Variants in METTL26 observed in about 807,000 individuals in gnomAD.
METTL26 encodes the protein methyltransferase-like 26.
In METTL26, 28 loss-of-function variants were observed where a neutral mutation model predicts 24.7. The observed-to-expected ratio is 1.13, with a 90% confidence interval of 0.84 to 1.55. The LOEUF is 1.55. METTL26 is among the 40% of genes most tolerant of loss of function. The pLI, the probability that METTL26 is intolerant of heterozygous loss-of-function variation, is 0.00. For missense variants in METTL26, 344 were observed against 281.2 expected (o/e 1.22, Z -1.60); for synonymous variants, 165 against 125.2 (o/e 1.32, Z -2.12).
intron 3 of METTL26, 39 bp from the exon 4 acceptor site, chr16:634,995 G>C (rs767576891): frequency 1.3e-6 from 2 of 1,564,190 alleles, no homozygotes; most frequent in Admixed American, 2.0e-5. Context: ...ACCAAGGTCG[G>C]GGTATTTCCC....
chr16:635,034 G>C, intron 3 of METTL26, 78 bp from the exon 4 acceptor site: 1 of 1,535,912 alleles, frequency 6.5e-7, no homozygotes, highest in Non-Finnish European at 8.7e-7. Flanking sequence ...TTGCAGGCTG[G>C]GGTTTGGAGA....
In METTL26 at chr16:636,082, C is replaced by T. The variant is rs1320801584; in HGVS notation, c.197+12G>A. On this transcript the variant is annotated intron_variant, in intron 1 of 5. Coordinates refer to ENST00000301686, the MANE Select transcript of METTL26 (RefSeq NM_032366.5). ...GCCGCACCGATAGAAGTGGCCGCCC[C>T]GGGGGCCGCACCTGTCCAGGCAGCG... 1.4e-5 allele frequency: 19 copies of T among 1,406,216 alleles called. No individual in the cohort carries two copies. The highest frequency in any genetic ancestry group is 2.5e-4 in the Middle Eastern group (1 of 4,040). 87.1% of individuals were successfully genotyped at this position (1,406,216 alleles called of 1,614,324 possible).
chr16:635,396 C>T (rs2151090398), intron 2 of METTL26, 56 bp from the exon 3 acceptor site: 1 of 1,335,810 alleles, frequency 7.5e-7, no homozygotes, highest in East Asian at 4.1e-5. Flanking sequence ...AAGCCAGGCC[C>T]TGAGGCTGGA....
At chr16:635,255 G>C in intron 3 of METTL26, 26 bp downstream of exon 3, 1 of 1,554,620 alleles carries the variant, frequency 6.4e-7, no homozygotes, top group Non-Finnish European at 8.7e-7. Flanking sequence ...GGGAGCGGGA[G>C]GCCCGCCGTG....
intron 3 of METTL26, 117 bp downstream of exon 3, chr16:635,164 A>G: frequency 6.8e-7 from 1 of 1,464,034 alleles, no homozygotes; most frequent in South Asian, 1.3e-5. Flanking sequence ...AGTGGAGGGG[A>G]GGCCGTGCTG....
In METTL26 at chr16:634,505, C is replaced by A. The variant is rs1443488126; in HGVS notation, c.*92G>T. 6.2e-7 allele frequency: 1 copy of A among 1,608,088 alleles called. No individual in the cohort carries two copies. The highest frequency in any genetic ancestry group is 8.5e-7 in the Non-Finnish European group (1 of 1,175,732). Reference sequence around the variant, plus strand: ...GGCTGAGAGCACAGACTGGGTGGGGCTGTCGTCCACAAGGTCCGGCCTAGG... The same window carrying A: ...GGCTGAGAGCACAGACTGGGTGGGGATGTCGTCCACAAGGTCCGGCCTAGG... On this transcript the variant is annotated 3_prime_UTR_variant, in exon 6 of 6. Transcript: ENST00000301686.
Position 636,078 on chromosome 16 carries a change from GC to G in METTL26, c.197+15del. ...GACCGCCGCACCGATAGAAGTGGCCGCCCCGGGGGCCGCACCTGTCCAGGCA... is the reference window on the plus strand; with the variant it reads ...GACCGCCGCACCGATAGAAGTGGCCGCCCGGGGGCCGCACCTGTCCAGGCA... On this transcript the variant is annotated intron_variant, in intron 1 of 5. Coordinates refer to ENST00000301686, the MANE Select transcript of METTL26 (RefSeq NM_032366.5). 7.1e-7 allele frequency: 1 copy of G among 1,406,854 alleles called. No individual in the cohort carries two copies. Among genetic ancestry groups the G allele is most frequent in the Non-Finnish European group, 9.2e-7 (1 of 1,088,184 alleles). 87.1% of individuals were successfully genotyped at this position (1,406,854 alleles called of 1,614,324 possible).
intron 1 of METTL26, 157 bp downstream of exon 1, chr16:635,937 G>C (rs1186270548): frequency 7.5e-7 from 1 of 1,334,722 alleles, no homozygotes; most frequent in Non-Finnish European, 9.9e-7. Flanking sequence ...CAGCCGCGGG[G>C]GCCGCACAGC....
chr16:635,838 C>G (rs2037138182), intron 1 of METTL26, 64 bp from the exon 2 acceptor site: 56 of 1,475,922 alleles, frequency 3.8e-5, no homozygotes, highest in Non-Finnish European at 5.1e-5. Flanking sequence ...GACGCCCCCA[C>G]AGAATTTCTT....
At chr16:635,072 A>C (rs938868257) in intron 3 of METTL26, 116 bp from the exon 4 acceptor site, 61 of 1,523,250 alleles carry the variant, frequency 4.0e-5, no homozygotes, top group Non-Finnish European at 4.9e-5. Context: ...CCCTGTCCCC[A>C]AGAGGGAGTC....
intron 3 of METTL26, 111 bp downstream of exon 3, chr16:635,170 T>G: frequency 6.8e-7 from 1 of 1,471,426 alleles, no homozygotes; most frequent in Non-Finnish European, 9.1e-7. Flanking sequence ...GGGGAGGCCG[T>G]GCTGGTGGCT....
In METTL26 at chr16:635,639, G is replaced by A. The variant is rs1257883429; in HGVS notation, c.333C>T (p.Ala111=). 5.2e-6 allele frequency: 8 copies of A among 1,550,312 alleles called. No individual in the cohort carries two copies. The Admixed American group carries it at 1.4e-4, about 27-fold the overall frequency. ...CCGTGCAGCGCAGGGGGCTGACATG[G>A]GCCATGTTGATGCAGAGCAACAGGT... The part of the protein sequence containing the change: ...SLDLLLCINM[A]HVSPLRCTEG... Residue 111 remains alanine (A), a synonymous_variant, in exon 2 of 6, where the codon GCC becomes GCT. Coordinates refer to ENST00000301686, the MANE Select transcript of METTL26 (RefSeq NM_032366.5).
At position 636,163 on chromosome 16, in the gene METTL26, G is replaced by A; in HGVS notation, c.128C>T (p.Ala43Val). The A allele has an allele frequency of 3.4e-6, 5 of 1,474,800 alleles. No homozygotes were observed. Among genetic ancestry groups the A allele is most frequent in the Middle Eastern group, 2.4e-4 (1 of 4,218 alleles). The allele number at this position is 1,474,800 out of a possible 1,614,324, so 91.4% of individuals were successfully genotyped here. The change falls in exon 1 of 6, where the codon GCG becomes GTG. Residue 43 changes from alanine to valine, a missense_variant. Coordinates refer to ENST00000301686, the MANE Select transcript of METTL26 (RefSeq NM_032366.5). ...CAGGGGGAAGGCCCGCGCGAAGTGC[G>A]CTGCGTGCTGGCCGGAGCCCGAGGC... ...EVASGSGQHA[A>V]HFARAFPLAE...
At position 635,298 on chromosome 16, in the gene METTL26, G is replaced by C; in HGVS notation, c.403C>G (p.Leu135Val). Residue 135 changes from leucine (L) to valine (V), a missense_variant, in exon 3 of 6, where the codon CTG (leucine) becomes GTG (valine). Coordinates refer to ENST00000301686, the MANE Select transcript of METTL26 (RefSeq NM_032366.5). ...AAGHLLKPRALLITYGPYAIN... is the reference protein window; with the variant it reads ...AAGHLLKPRAVLITYGPYAIN... The stretch of plus-strand genomic sequence containing the variant: ...CCACTCACCCCGTAGGTGATGAGCA[G>C]GGCCCTGGGTTTGAGCAGGTGTCCT... 6.3e-7 allele frequency: 1 copy of C among 1,596,748 alleles called. No individual in the cohort carries two copies. Among genetic ancestry groups the C allele is most frequent in the Non-Finnish European group, 8.5e-7 (1 of 1,171,718 alleles).
Position 635,716 on chromosome 16 carries a change from C to G in METTL26, c.256G>C (p.Asp86His). 1 of 1,572,572 alleles carries G rather than the reference C, an allele frequency of 6.4e-7. No homozygotes were observed. Among genetic ancestry groups the G allele is most frequent in the Non-Finnish European group, 8.6e-7 (1 of 1,160,346 alleles). ...LTNVKAPLHL[D>H]VTWGWEHWGG... is the part of the protein sequence containing the mutation. ...CAGTGCTCCCAGCCCCACGTCACGT[C>G]CAGGTGTAGCGGGGCCTTCACGTTG... Residue 86 changes from aspartate to histidine, a missense_variant, in exon 2 of 6, where the codon GAC becomes CAC. Transcript: ENST00000301686.
chr16:635,926 G>A, intron 1 of METTL26, 152 bp from the exon 2 acceptor site: 4 of 1,334,718 alleles, frequency 3.0e-6, no homozygotes, highest in Non-Finnish European at 4.0e-6. Context: ...ACCCACTTCC[G>A]CAGCCGCGGG....
intron 4 of METTL26, 23 bp downstream of exon 4, chr16:634,866 G>C (rs1235158475): frequency 6.4e-7 from 1 of 1,569,204 alleles, no homozygotes; most frequent in Non-Finnish European, 8.6e-7. Context: ...ACCTGAGCCA[G>C]ACCCCCCGCC....
At position 634,491 on chromosome 16, in the gene METTL26, C is replaced by G; in HGVS notation, c.*106G>C. 6.2e-7 allele frequency: 1 copy of G among 1,601,190 alleles called. No individual in the cohort carries two copies. Among genetic ancestry groups the G allele is most frequent in the South Asian group, 1.1e-5 (1 of 90,804 alleles). On this transcript the variant is annotated 3_prime_UTR_variant, in exon 6 of 6. Transcript: ENST00000301686. ...GCCCTTCGGCCAGCGGCTGAGAGCA[C>G]AGACTGGGTGGGGCTGTCGTCCACA...
At position 634,804 on chromosome 16, in the gene METTL26, AG is replaced by A; in HGVS notation, c.489-8del. The A allele has an allele frequency of 1.2e-6, 2 of 1,606,286 alleles. No homozygotes were observed. The highest frequency in any genetic ancestry group is 2.2e-5 in the South Asian group (2 of 90,218). ...AAGCCCCCATTCTGGGTTCCTGCAG[AG>A]GGTGGGGAGATGGAGTCATGGCCTG... On this transcript the variant is annotated splice_region_variant and splice_polypyrimidine_tract_variant and intron_variant, in intron 4 of 5. Coordinates refer to ENST00000301686, the MANE Select transcript of METTL26 (RefSeq NM_032366.5).
Sources: allele counts gnomAD v4.1 joint callset, GRCh38; gene constraint gnomAD v4.1.1; transcripts MANE v1.5; gene names NCBI Gene and HGNC (gene_info 2026-07-23, HGNC 2026-07-21).